The following ANKRD55 variants were observed in gnomAD, a reference collection of about 807,000 sequenced individuals.
The protein encoded by ANKRD55 is ankyrin repeat domain-containing protein 55.
A neutral mutation model predicts 60.6 loss-of-function variants in ANKRD55; 41 were observed. The observed-to-expected ratio is 0.68, with a 90% CI of 0.53 to 0.88. The LOEUF is 0.88. ANKRD55 is among the 40% of genes least tolerant of loss of function. The probability of loss-of-function intolerance (pLI) is 0.00; values close to 1 mark genes in which losing one functional copy is unlikely to be tolerated. For synonymous variants in ANKRD55, 264 were observed against 290.3 expected (o/e 0.91, Z 0.92); for missense variants, 732 against 767.6 (o/e 0.95, Z 0.55).
Position 56,100,311 on chromosome 5 carries a change from AG to A in ANKRD55, c.1724-8del, listed in dbSNP as rs1561245033. 2.5e-6 allele frequency: 4 copies of A among 1,614,154 alleles called. No individual in the cohort carries two copies. The highest frequency in any genetic ancestry group is 3.4e-6 in the Non-Finnish European group (4 of 1,179,998). Reference sequence around the variant, plus strand: ...AGAGGTTCTCCAGATAGAACTGGGAAGAAAGAATAGAACAAGAGACTTTCAA... The same window carrying A: ...AGAGGTTCTCCAGATAGAACTGGGAAAAAGAATAGAACAAGAGACTTTCAA... On this transcript the variant is annotated splice_region_variant and splice_polypyrimidine_tract_variant and intron_variant, in intron 11 of 11. Coordinates refer to ENST00000341048, the MANE Select transcript of ANKRD55 (RefSeq NM_024669.3).
At chr5:56,164,872 A>G (rs1371077458) in intron 5 of ANKRD55, among the ~76,000 whole-genome samples, 1 of 152,194 alleles carries the variant, frequency 6.6e-6, no homozygotes, top group Non-Finnish European at 1.5e-5. Context: ...CTTCACGTTC[A>G]TGATTATAAA....
At chr5:56,155,908 A>T (rs1286805757) in intron 6 of ANKRD55, among the ~76,000 whole-genome samples, 1 of 151,992 alleles carries the variant, frequency 6.6e-6, no homozygotes, top group Non-Finnish European at 1.5e-5. Context: ...ATATATATAC[A>T]CATACACATA....
intron 6 of ANKRD55, among the ~76,000 whole-genome samples, chr5:56,150,357 TA>T (rs1758009779): frequency 6.6e-6 from 1 of 151,908 alleles, no homozygotes; most frequent in African/African-American, 2.4e-5. Context: ...AACGCATTAA[TA>T]AACAACCTTA....
At chr5:56,226,360 A>G (rs1206509780) in intron 2 of ANKRD55, among the ~76,000 whole-genome samples, 1 of 152,208 alleles carries the variant, frequency 6.6e-6, no homozygotes, top group Non-Finnish European at 1.5e-5. Flanking sequence ...TAAATGTCAG[A>G]CCTAAAACCA....
chr5:56,166,277 C>T (rs1758482712), intron 5 of ANKRD55, among the ~76,000 whole-genome samples: 1 of 149,326 alleles, frequency 6.7e-6, no homozygotes, highest in Admixed American at 6.7e-5. Flanking sequence ...TTCCTTCCTT[C>T]CTTCGGGTCT....
rs935999525 is a variant in ANKRD55 at position 56,233,182 on chromosome 5, A to G, written c.-34+59T>C. The G allele has an allele frequency of 1.2e-5, 5 of 417,168 alleles. No homozygotes were observed. In the Admixed American group the frequency reaches 1.2e-4, roughly 10 times the overall value. 25.8% of individuals were successfully genotyped at this position (417,168 alleles called of 1,614,324 possible). ...GGCATAATACACCCTCCACCCCCAA[A>G]TCAATAAACACAATTACTCAAACTC... is the stretch of plus-strand genomic sequence containing the variant. On this transcript the variant is annotated intron_variant, in intron 1 of 11. Coordinates refer to ENST00000341048, the MANE Select transcript of ANKRD55 (RefSeq NM_024669.3).
chr5:56,167,722 T>C (rs1301009488), intron 5 of ANKRD55, among the ~76,000 whole-genome samples: 3 of 152,128 alleles, frequency 2.0e-5, no homozygotes, highest in East Asian at 1.9e-4. Context: ...CCAAGGGTGG[T>C]GGCTGGGCTG....
chr5:56,141,108 T>C (rs1400210905), intron 7 of ANKRD55, among the ~76,000 whole-genome samples: 1 of 150,160 alleles, frequency 6.7e-6, no homozygotes, highest in African/African-American at 2.5e-5. Flanking sequence ...TGTGTGTATG[T>C]GTGTACATGC....
chr5:56,121,232 A>G (rs1475145494), intron 8 of ANKRD55, among the ~76,000 whole-genome samples: 2 of 152,218 alleles, frequency 1.3e-5, no homozygotes, highest in African/African-American at 4.8e-5. Context: ...GGGCTTTAAA[A>G]GACGAGTTTA....
chr5:56,138,127 C>CTTTTTTTT (rs70995774), intron 7 of ANKRD55, among the ~76,000 whole-genome samples: 4 of 129,850 alleles, frequency 3.1e-5, no homozygotes, highest in Non-Finnish European at 3.2e-5. Flanking sequence ...GTTTCTTTTT[C>CTTTTTTTT]TTTTTTTTTT....
At chr5:56,148,413 G>T (rs1434041315) in intron 6 of ANKRD55, among the ~76,000 whole-genome samples, 2 of 152,198 alleles carry the variant, frequency 1.3e-5, no homozygotes, top group Non-Finnish European at 2.9e-5. Flanking sequence ...GAGTGAGGAG[G>T]AACACATATT....
At chr5:56,193,460 C>A in intron 2 of ANKRD55, 1 of 501,898 alleles carries the variant, frequency 2.0e-6, no homozygotes, top group South Asian at 2.2e-5. Flanking sequence ...TCCGATCTTG[C>A]AGTTTCTTTT....
At chr5:56,219,048 G>T (rs34372124) in intron 2 of ANKRD55, among the ~76,000 whole-genome samples, 6 of 151,814 alleles carry the variant, frequency 4.0e-5, no homozygotes, top group Non-Finnish European at 8.8e-5. Context: ...CGAGGCGGGC[G>T]GATCACTTGA....
intron 2 of ANKRD55, among the ~76,000 whole-genome samples, chr5:56,231,181 A>G (rs1488065433): frequency 3.9e-5 from 6 of 152,198 alleles, no homozygotes; most frequent in Admixed American, 3.9e-4. Flanking sequence ...CTCTAGAAAG[A>G]GAGAAAGGAT....
intron 7 of ANKRD55, chr5:56,137,558 A>G: frequency 1.5e-6 from 1 of 687,358 alleles, no homozygotes; most frequent in Non-Finnish European, 2.6e-6. Context: ...AATGCAATTA[A>G]AAGTAAAAGA....
chr5:56,222,065 C>T (rs1000752028), intron 2 of ANKRD55, among the ~76,000 whole-genome samples: 14 of 152,042 alleles, frequency 9.2e-5, no homozygotes, highest in African/African-American at 3.4e-4. Flanking sequence ...GGTCCCTGAC[C>T]CCCGAGTAGC....
intron 8 of ANKRD55, among the ~76,000 whole-genome samples, chr5:56,118,787 T>G (rs1756954366): frequency 6.6e-6 from 1 of 152,146 alleles, no homozygotes; most frequent in African/African-American, 2.4e-5. Flanking sequence ...GAAGAGGTAC[T>G]CAATAACATC....
intron 2 of ANKRD55, among the ~76,000 whole-genome samples, chr5:56,188,720 C>A (rs1188229500): frequency 6.6e-6 from 1 of 152,104 alleles, no homozygotes; most frequent in Non-Finnish European, 1.5e-5. Flanking sequence ...GTTACTATAG[C>A]CTTGTAGTAT....
intron 5 of ANKRD55, among the ~76,000 whole-genome samples, chr5:56,163,440 G>A (rs969083077): frequency 1.3e-5 from 2 of 151,356 alleles, no homozygotes; most frequent in African/African-American, 4.9e-5. Flanking sequence ...CCATGGCCCA[G>A]GAGTCATTCT....
Sources: allele counts gnomAD v4.1 joint callset (sites outside exome capture counted in the v4.1 genomes callset), GRCh38; gene constraint gnomAD v4.1.1; transcripts MANE v1.5; gene names NCBI Gene and HGNC (gene_info 2026-07-23, HGNC 2026-07-21).